The following EIF5B variants were observed in gnomAD, a reference collection of about 807,000 sequenced individuals.
EIF5B encodes the protein eukaryotic translation initiation factor 5B.
EIF5B carries 47 observed loss-of-function variants against 147.5 expected under a neutral mutation model. The observed-to-expected ratio is 0.32, with a 90% CI of 0.25 to 0.41. The LOEUF (loss-of-function observed/expected upper bound fraction) is 0.41, where lower values mean the gene tolerates loss of function less well. Among genes scored for constraint, EIF5B ranks in the 10% least tolerant of loss-of-function variants. EIF5B has a pLI of 1.00. For synonymous variants in EIF5B, 455 were observed against 456.2 expected, an observed-to-expected ratio of 1.00 and a Z score of 0.03; for missense variants, 1,064 against 1,413.2, an observed-to-expected ratio of 0.75 and a Z score of 3.96.
rs530310634 is a variant in EIF5B at position 99,393,395 on chromosome 2, A to T, written c.2880+297A>T. ...TGAATGCACACCTGTAGTCCCAGCT[A>T]CTTGGGAGGCTGAGGCAGGAGAATC... is the stretch of plus-strand genomic sequence containing the variant. On this transcript the variant is annotated intron_variant, in intron 18 of 23. Transcript: ENST00000289371. Among the ~76,000 whole-genome samples, 7 of 152,258 alleles carry T rather than the reference A, an allele frequency of 4.6e-5. No individual in the cohort carries two copies. The East Asian group carries it at 1.3e-3, about 29-fold the overall frequency.
In EIF5B at chr2:99,401,077, A is replaced by G. The variant is rs913408184; in HGVS notation, c.*1663A>G. ...TAATTAACACAATTATTTACATGCA[A>G]TACTGACAAATTTGGCACTTTTTGA... is the stretch of plus-strand genomic sequence containing the variant. On this transcript the variant is annotated 3_prime_UTR_variant, in exon 24 of 24. Transcript: ENST00000289371. The G allele has an allele frequency of 4.1e-6, 2 of 488,088 alleles. No individual in the cohort carries two copies. Among genetic ancestry groups the G allele is most frequent in the Non-Finnish European group, 7.4e-6 (2 of 271,228 alleles). The allele number at this position is 488,088 out of a possible 1,614,324, so 30.2% of individuals were successfully genotyped here.
intron 5 of EIF5B, 90 bp from the exon 6 acceptor site, chr2:99,364,178 CAAG>C (rs1674279120): frequency 6.8e-7 from 1 of 1,472,288 alleles, no homozygotes; most frequent in Non-Finnish European, 9.0e-7. Context: ...GCATGTGTCT[CAAG>C]AGATTTATTT....
Position 99,399,773 on chromosome 2 carries a change from T to A in EIF5B, c.*359T>A, listed in dbSNP as rs1313806469. 6.2e-6 allele frequency: 1 copy of A among 160,892 alleles called. No homozygotes were observed. The highest frequency in any genetic ancestry group is 1.4e-5 in the Non-Finnish European group (1 of 73,180). 10.0% of individuals were successfully genotyped at this position (160,892 alleles called of 1,614,324 possible). On this transcript the variant is annotated 3_prime_UTR_variant, in exon 24 of 24. Transcript: ENST00000289371. The stretch of plus-strand genomic sequence containing the variant: ...ATTAAATCAGTACTGCAGTATTTGA[T>A]TAACCAAGCTTCTGCAGATTTTGTG...
intron 1 of EIF5B, among the ~76,000 whole-genome samples, chr2:99,359,128 C>G (rs1428673846): frequency 6.6e-6 from 1 of 151,332 alleles, no homozygotes; most frequent in Non-Finnish European, 1.5e-5. Context: ...TTTGGGAGGC[C>G]GAGGGTGGCT....
chr2:99,392,937 A>C (rs1574941569), intron 17 of EIF5B, 30 bp from the exon 18 acceptor site: 1 of 1,407,542 alleles, frequency 7.1e-7, no homozygotes, highest in East Asian at 2.6e-5. Context: ...TTTAAAGTAC[A>C]TTTGGTAACA....
At chr2:99,375,383 A>G (rs1435420289) in intron 9 of EIF5B, among the ~76,000 whole-genome samples, 1 of 152,236 alleles carries the variant, frequency 6.6e-6, no homozygotes, top group Non-Finnish European at 1.5e-5. Context: ...TAGAATCCAG[A>G]GGATCTGAAG....
intron 12 of EIF5B, 74 bp from the exon 13 acceptor site, chr2:99,382,085 C>T: frequency 7.6e-7 from 1 of 1,320,558 alleles, no homozygotes; most frequent in African/African-American, 1.5e-5. Flanking sequence ...AGTTTTATGG[C>T]AAAAGGATTG....
At chr2:99,352,303 C>G (rs1331036038) in intron 1 of EIF5B, among the ~76,000 whole-genome samples, 1 of 152,034 alleles carries the variant, frequency 6.6e-6, no homozygotes, top group Non-Finnish European at 1.5e-5. Flanking sequence ...TCAAGCAATT[C>G]TCCTGCCTCA....
chr2:99,398,624 G>C, intron 22 of EIF5B, 124 bp from the exon 23 acceptor site: 1 of 999,926 alleles, frequency 1.0e-6, no homozygotes, highest in Non-Finnish European at 1.4e-6. Flanking sequence ...GTGATGAAAG[G>C]ATCGCACTGC....
At chr2:99,389,497 A>T (rs535281590) in intron 14 of EIF5B, 2 of 318,860 alleles carry the variant, frequency 6.3e-6, no homozygotes, top group African/African-American at 4.3e-5. Context: ...TTAGGAACTC[A>T]TGGAGGCTGA....
intron 9 of EIF5B, among the ~76,000 whole-genome samples, chr2:99,374,280 C>A (rs1315140969): frequency 1.7e-5 from 2 of 116,974 alleles, no homozygotes; most frequent in African/African-American, 3.5e-5. Flanking sequence ...CAGAGCGAGA[C>A]TCTTACCTAA....
At chr2:99,385,143 T>C (rs1397524044) in intron 14 of EIF5B, among the ~76,000 whole-genome samples, 1 of 151,854 alleles carries the variant, frequency 6.6e-6, no homozygotes, top group Non-Finnish European at 1.5e-5. Flanking sequence ...GCCTTCCGGG[T>C]TCAAGCGATT....
intron 9 of EIF5B, 30 bp from the exon 10 acceptor site, chr2:99,376,313 GTTTA>G (rs1487291015): frequency 7.9e-7 from 1 of 1,263,336 alleles, no homozygotes; most frequent in African/African-American, 1.5e-5. Context: ...TCATATTAAT[GTTTA>G]TTTATTTAAA....
At chr2:99,356,414 C>T (rs997291127) in intron 1 of EIF5B, among the ~76,000 whole-genome samples, 1 of 152,188 alleles carries the variant, frequency 6.6e-6, no homozygotes, top group African/African-American at 2.4e-5. Flanking sequence ...CTTCTGCACA[C>T]GTTTGTCTCT....
rs753090811 is a variant in EIF5B, at chr2:99,363,851, C to A, written c.1126C>A (p.Arg376Ser). The A allele has an allele frequency of 3.1e-6, 5 of 1,604,680 alleles. No homozygotes were observed. Among genetic ancestry groups the A allele is most frequent in the Admixed American group, 3.5e-5 (2 of 57,530 alleles). ...IKRLEELEAK[R>S]KEEERLEQEK... ...ACGGCTTGAAGAATTAGAAGCCAAG[C>A]GTAAAGAAGAGGTATGTTTTCATGA... Residue 376 changes from arginine (R) to serine (S), a missense_variant, in exon 5 of 24, where the codon CGT (arginine) becomes AGT (serine). This residue lies in a region of EIF5B where 458 missense variants were observed against 451.3 expected (regional missense o/e 1.01). Coordinates refer to ENST00000289371, the MANE Select transcript of EIF5B (RefSeq NM_015904.4).
chr2:99,355,441 C>T (rs1034674043), intron 1 of EIF5B, among the ~76,000 whole-genome samples: 2 of 151,800 alleles, frequency 1.3e-5, no homozygotes, highest in Non-Finnish European at 2.9e-5. Flanking sequence ...TGTCTCTTCA[C>T]GTAGTCAAGT....
At chr2:99,357,052 A>G (rs78664249) in intron 1 of EIF5B, among the ~76,000 whole-genome samples, 344 of 152,290 alleles carry the variant, frequency 2.3e-3, no homozygotes, top group African/African-American at 7.7e-3. Flanking sequence ...TCATTTTAAT[A>G]CTAGTATCCT....
chr2:99,398,671 C>CTT (rs748159383), intron 22 of EIF5B, 77 bp from the exon 23 acceptor site: 204 of 1,440,348 alleles, frequency 1.4e-4, no homozygotes, highest in Non-Finnish European at 1.9e-4. Context: ...CTAGTTCTTA[C>CTT]TTCAGCTATC....
intron 8 of EIF5B, 53 bp from the exon 9 acceptor site, chr2:99,371,603 C>A: frequency 1.3e-6 from 2 of 1,505,886 alleles, no homozygotes; most frequent in East Asian, 2.4e-5. Flanking sequence ...TTCTAAAAGA[C>A]CTTCATATTT....
Sources: gnomAD v4.1 joint callset for allele counts (sites outside exome capture counted in the v4.1 genomes callset) on GRCh38, gnomAD v4.1.1 for gene constraint, gnomAD v4.1.1 regional missense constraint, MANE v1.5 for transcripts, NCBI Gene and HGNC (gene_info 2026-07-23, HGNC 2026-07-21) for gene names.